Variants in TC2N observed in about 807,000 individuals in gnomAD.
TC2N encodes the protein tandem C2 domains, nuclear, also known as tandem C2 domains nuclear protein.
In TC2N, 51 loss-of-function variants were observed where a neutral mutation model predicts 61.9. The ratio of observed to expected loss-of-function variants is 0.82; its 90% CI spans 0.66 to 1.04. The LOEUF is 1.04. Among genes scored for constraint, TC2N ranks in the 50% least tolerant of loss-of-function variants. TC2N has a pLI of 0.00. For synonymous variants in TC2N, 204 were observed against 192.6 expected, an observed-to-expected ratio of 1.06 and a Z score of -0.49; for missense variants, 556 against 566.7, an observed-to-expected ratio of 0.98 and a Z score of 0.19.
chr14:91,861,572 G>A (rs866742823), intron 1 of TC2N, among the ~76,000 whole-genome samples: 6 of 152,174 alleles, frequency 3.9e-5, no homozygotes, highest in Admixed American at 3.9e-4. Context: ...AGAGAGGCAG[G>A]GGAAGAAACA....
intron 2 of TC2N, among the ~76,000 whole-genome samples, chr14:91,813,473 T>C (rs1013779442): frequency 2.0e-5 from 3 of 151,772 alleles, no homozygotes; most frequent in Non-Finnish European, 4.4e-5. Flanking sequence ...CAGATTTCCA[T>C]AGCAAATGCA....
intron 1 of TC2N, among the ~76,000 whole-genome samples, chr14:91,845,236 TAAATAA>T (rs1393573631): frequency 6.2e-5 from 2 of 32,204 alleles, no homozygotes; most frequent in African/African-American, 3.6e-4. Context: ...CATCTCAAAA[TAAATAA>T]ATAAATAAAT....
intron 1 of TC2N, among the ~76,000 whole-genome samples, chr14:91,839,498 A>G (rs1888125378): frequency 1.3e-5 from 2 of 152,192 alleles, no homozygotes. Flanking sequence ...ATGCATTCCA[A>G]GTGAGTTACC....
chr14:91,803,428 C>CACACAT (rs142304224), intron 3 of TC2N, among the ~76,000 whole-genome samples: 7,872 of 147,086 alleles, frequency 0.054, 384 homozygotes, highest in African/African-American at 0.12. Context: ...CACACACACA[C>CACACAT]ATATATATAT....
intron 3 of TC2N, among the ~76,000 whole-genome samples, chr14:91,802,775 C>A (rs1028972092): frequency 1.3e-5 from 2 of 150,988 alleles, no homozygotes; most frequent in African/African-American, 4.9e-5. Context: ...TTCAAGAAGA[C>A]GTAGAACATT....
At chr14:91,802,783 A>G (rs1270527528) in intron 3 of TC2N, among the ~76,000 whole-genome samples, 2 of 152,148 alleles carry the variant, frequency 1.3e-5, no homozygotes, top group Admixed American at 1.3e-4. Flanking sequence ...GACGTAGAAC[A>G]TTTATTAAAA....
At chr14:91,783,593 T>C (rs867251231) in intron 11 of TC2N, among the ~76,000 whole-genome samples, 1 of 152,114 alleles carries the variant, frequency 6.6e-6, no homozygotes, top group African/African-American at 2.4e-5. Flanking sequence ...CTAATCATGA[T>C]TCAAATTAGA....
Position 91,805,320 on chromosome 14 carries a change from CTG to C in TC2N, c.302-2901_302-2900del, listed in dbSNP as rs1886458930. ...ATAAATATTTTTGTATAGCTGCACA[CTG>C]TGTTTATATTTAAGCCAAGTATTAT... On this transcript the variant is annotated intron_variant, in intron 3 of 11. Coordinates refer to ENST00000435962, the MANE Select transcript of TC2N (RefSeq NM_001128596.3). Among the ~76,000 whole-genome samples the C allele has an allele frequency of 3.3e-5, 5 of 152,248 alleles. No homozygotes were observed. In the South Asian group the frequency reaches 8.3e-4, roughly 25 times the overall value.
At chr14:91,805,532 G>A (rs1363394862) in intron 3 of TC2N, among the ~76,000 whole-genome samples, 3 of 152,132 alleles carry the variant, frequency 2.0e-5, no homozygotes, top group Admixed American at 6.5e-5. Context: ...GTGTGTGGTG[G>A]CCCGCGCCTG....
At chr14:91,849,291 CTAGAATTTGTTT>C (rs1166420823) in intron 1 of TC2N, among the ~76,000 whole-genome samples, 1 of 151,996 alleles carries the variant, frequency 6.6e-6, no homozygotes, top group Non-Finnish European at 1.5e-5. Flanking sequence ...AAATCCTTCC[CTAGAATTTGTTT>C]TAAAACTGTA....
At chr14:91,817,712 G>C (rs1887067780) in intron 1 of TC2N, among the ~76,000 whole-genome samples, 1 of 152,114 alleles carries the variant, frequency 6.6e-6, no homozygotes, top group Non-Finnish European at 1.5e-5. Context: ...GAATGTGGTA[G>C]AATTGGTTAA....
chr14:91,833,859 T>C lies in TC2N; in HGVS notation c.-56-20034A>G, dbSNP rs562149239. Among the ~76,000 whole-genome samples, 9 of 152,360 alleles carry C rather than the reference T, an allele frequency of 5.9e-5. No individual in the cohort carries two copies. The South Asian group carries it at 1.9e-3, about 32-fold the overall frequency. Reference sequence around the variant, plus strand: ...ACTTGGTTGCCAGCCTTTTCCATTTTAACTATTCTTTTCATATTCCTAAGG... The same window carrying C: ...ACTTGGTTGCCAGCCTTTTCCATTTCAACTATTCTTTTCATATTCCTAAGG... On this transcript the variant is annotated intron_variant, in intron 1 of 11. Coordinates refer to ENST00000435962, the MANE Select transcript of TC2N (RefSeq NM_001128596.3).
intron 1 of TC2N, among the ~76,000 whole-genome samples, chr14:91,856,388 G>T (rs1283231319): frequency 6.6e-6 from 1 of 151,730 alleles, no homozygotes; most frequent in Non-Finnish European, 1.5e-5. Context: ...GGAGACTAAG[G>T]CACAAGAATC....
chr14:91,827,928 TA>T (rs1325628740), intron 1 of TC2N, among the ~76,000 whole-genome samples: 1 of 152,244 alleles, frequency 6.6e-6, no homozygotes, highest in Non-Finnish European at 1.5e-5. Context: ...TCATTGCACA[TA>T]TTTTGATTCT....
chr14:91,855,149 C>G (rs1473307179), intron 1 of TC2N, among the ~76,000 whole-genome samples: 2 of 152,258 alleles, frequency 1.3e-5, no homozygotes, highest in East Asian at 3.9e-4. Flanking sequence ...AGTGGAACGG[C>G]AGGGATGGAG....
rs71123304 is a variant in TC2N at position 91,853,649 on chromosome 14, TAC to T, written c.-57+13611_-57+13612del. 2.7e-3 allele frequency among the ~76,000 whole-genome samples: 279 copies of T among 103,060 alleles called. 2 individuals carry two copies. Among genetic ancestry groups the T allele is most frequent in the East Asian group, 6.2e-3 (23 of 3,730 alleles). 67.6% of individuals were successfully genotyped at this position (103,060 alleles called of 152,430 possible). Reference sequence around the variant, plus strand: ...CTTGGATTTTTTTTTTTTTTTAAAGTACACACACACACACACACACACACACA... The same window carrying T: ...CTTGGATTTTTTTTTTTTTTTAAAGTACACACACACACACACACACACACA... On this transcript the variant is annotated intron_variant, in intron 1 of 11. Coordinates refer to ENST00000435962, the MANE Select transcript of TC2N (RefSeq NM_001128596.3).
intron 1 of TC2N, among the ~76,000 whole-genome samples, chr14:91,848,186 A>G (rs991036796): frequency 6.6e-6 from 1 of 152,196 alleles, no homozygotes; most frequent in African/African-American, 2.4e-5. Context: ...ATTGAGACCA[A>G]TTTCCCAAAC....
At chr14:91,848,031 G>A (rs7151918) in intron 1 of TC2N, among the ~76,000 whole-genome samples, 6,615 of 152,244 alleles carry the variant, frequency 0.043, 393 homozygotes, top group African/African-American at 0.13. Context: ...GAATTCCCCT[G>A]GAATGCTCTT....
intron 9 of TC2N, among the ~76,000 whole-genome samples, chr14:91,789,915 G>C (rs1885563736): frequency 6.6e-6 from 1 of 152,178 alleles, no homozygotes; most frequent in Admixed American, 6.5e-5. Flanking sequence ...GAAATGCTGA[G>C]CATCATTAGA....
Sources: gnomAD v4.1 joint callset for allele counts (sites outside exome capture counted in the v4.1 genomes callset) on GRCh38, gnomAD v4.1.1 for gene constraint, MANE v1.5 for transcripts, NCBI Gene and HGNC (gene_info 2026-07-23, HGNC 2026-07-21) for gene names.